FARP2: variants seen among roughly 807,000 people sequenced by gnomAD.
FARP2 encodes FERM, ARH/RhoGEF and pleckstrin domain protein 2, also known as FERM, ARHGEF and pleckstrin domain-containing protein 2.
A neutral mutation model predicts 130.5 loss-of-function variants in FARP2; 111 were observed. That is an observed-to-expected ratio of 0.85 (90% CI 0.73 to 1.00). FARP2 has a LOEUF of 1.00. Ranked by LOEUF, FARP2 falls within the 50% of genes least tolerant of loss-of-function variation. FARP2 has a pLI of 0.00. For missense variants in FARP2, 1,385 were observed against 1,346.3 expected (o/e 1.03, Z -0.45); for synonymous variants, 504 against 516.9 (o/e 0.98, Z 0.34).
intron 21 of FARP2, among the ~76,000 whole-genome samples, chr2:241,485,262 C>G (rs1470744911): frequency 2.0e-5 from 3 of 151,480 alleles, no homozygotes; most frequent in African/African-American, 7.3e-5. Context: ...TGGGATCCTC[C>G]TTTCCTAGGA....
At chr2:241,462,089 C>T (rs1004149847) in intron 14 of FARP2, among the ~76,000 whole-genome samples, 1 of 152,212 alleles carries the variant, frequency 6.6e-6, no homozygotes. Flanking sequence ...TCCACGTCTG[C>T]ATCAGGAAGT....
chr2:241,393,000 G>A (rs896779141), intron 2 of FARP2, among the ~76,000 whole-genome samples: 1 of 150,776 alleles, frequency 6.6e-6, no homozygotes, highest in Admixed American at 6.6e-5. Context: ...GAGATTTAAC[G>A]CTACTCCTGA....
chr2:241,369,047 G>A (rs928482094), intron 1 of FARP2, among the ~76,000 whole-genome samples: 4 of 152,064 alleles, frequency 2.6e-5, no homozygotes, highest in African/African-American at 9.7e-5. Context: ...AGGGTATCTT[G>A]TTGTGGCCCT....
rs2062581683 is a variant in FARP2, at chr2:241,413,488, A to C, written c.623+67A>C. 2.7e-6 allele frequency: 3 copies of C among 1,124,894 alleles called. No individual in the cohort carries two copies. In the Admixed American group the frequency reaches 5.9e-5, roughly 22 times the overall value. 69.7% of individuals were successfully genotyped at this position (1,124,894 alleles called of 1,614,324 possible). A position where few individuals can be genotyped will look rare whatever the true frequency, so the allele number is the denominator to read the frequency against. On this transcript the variant is annotated intron_variant, in intron 7 of 26. Transcript: ENST00000264042. ...TAATGACTAAAGAGTGTGTAACGAGAAAGGACTGTTGTCGTGACTTCTGCA... is the reference window on the plus strand; with the variant it reads ...TAATGACTAAAGAGTGTGTAACGAGCAAGGACTGTTGTCGTGACTTCTGCA...
At chr2:241,432,422 C>A (rs993555028) in intron 9 of FARP2, among the ~76,000 whole-genome samples, 10 of 152,158 alleles carry the variant, frequency 6.6e-5, no homozygotes, top group Admixed American at 6.5e-4. Context: ...TGCTAAGAAC[C>A]ATGGTTATTG....
At chr2:241,445,853 CAG>C (rs549243040) in intron 13 of FARP2, 3 of 152,424 alleles carry the variant, frequency 2.0e-5, no homozygotes, top group Admixed American at 6.5e-5. Context: ...CAGGGCGCAT[CAG>C]GGGCTGCACT....
Position 241,379,956 on chromosome 2 carries a change from T to C in FARP2, c.183+6666T>C, listed in dbSNP as rs1361887459. ...GTGCACAGCAGAGATGTGGACATTT[T>C]TATTCTTAGTTTTCCAGTGGTGATG... On this transcript the variant is annotated intron_variant, in intron 2 of 26. Coordinates refer to ENST00000264042, the MANE Select transcript of FARP2 (RefSeq NM_014808.4). Among the ~76,000 whole-genome samples, 12 of 152,328 alleles carry C rather than the reference T, an allele frequency of 7.9e-5. No homozygotes were observed. The South Asian group carries it at 2.5e-3, about 32-fold the overall frequency.
In FARP2 at chr2:241,489,943, C is replaced by T; in HGVS notation, c.2422-19C>T. On this transcript the variant is annotated intron_variant, in intron 21 of 26. Coordinates refer to ENST00000264042, the MANE Select transcript of FARP2 (RefSeq NM_014808.4). Reference sequence around the variant, plus strand: ...TTCCTTCTTGGCCACAAGACTTGGACCGTTTCTCCCACCCACAGGTGGAAG... The same window carrying T: ...TTCCTTCTTGGCCACAAGACTTGGATCGTTTCTCCCACCCACAGGTGGAAG... 1.3e-6 allele frequency: 2 copies of T among 1,569,326 alleles called. No individual in the cohort carries two copies. Among genetic ancestry groups the T allele is most frequent in the Non-Finnish European group, 8.8e-7 (1 of 1,139,354 alleles).
intron 2 of FARP2, among the ~76,000 whole-genome samples, chr2:241,375,184 C>T (rs953330837): frequency 6.6e-6 from 1 of 152,120 alleles, no homozygotes; most frequent in African/African-American, 2.4e-5. Context: ...ATCCCCTGAC[C>T]TCGTGATCCG....
In FARP2 at chr2:241,411,113, C is replaced by T. The variant is rs147959368; in HGVS notation, c.491C>T (p.Thr164Met). Reference protein sequence around the residue: ...TCADTTAALLTSHLLQSEIGD... With the variant: ...TCADTTAALLMSHLLQSEIGD... ...GCTGACACCACAGCGGCCCTTCTCA[C>T]GTCCCATCTCCTGCAGTGTGAGTAT... is the stretch of plus-strand genomic sequence containing the variant. Residue 164 changes from threonine to methionine, a missense_variant, in exon 6 of 27, where the codon ACG becomes ATG. Coordinates refer to ENST00000264042, the MANE Select transcript of FARP2 (RefSeq NM_014808.4). 14 of 1,610,292 alleles carry T rather than the reference C, an allele frequency of 8.7e-6. No homozygotes were observed. Among genetic ancestry groups the T allele is most frequent in the Admixed American group, 1.7e-5 (1 of 59,738 alleles).
intron 21 of FARP2, among the ~76,000 whole-genome samples, chr2:241,487,391 G>C (rs1440878436): frequency 6.6e-6 from 1 of 152,108 alleles, no homozygotes; most frequent in African/African-American, 2.4e-5. Flanking sequence ...CATTTAACAG[G>C]GCACGGTGGC....
intron 2 of FARP2, among the ~76,000 whole-genome samples, chr2:241,373,596 C>T (rs927791582): frequency 1.3e-5 from 2 of 152,212 alleles, no homozygotes; most frequent in Non-Finnish European, 2.9e-5. Context: ...CAGACCTTCC[C>T]AGCTTAAGCC....
chr2:241,485,726 C>T (rs2064736644), intron 21 of FARP2, among the ~76,000 whole-genome samples: 1 of 151,590 alleles, frequency 6.6e-6, no homozygotes, highest in Non-Finnish European at 1.5e-5. Context: ...AGGATCTTCC[C>T]TTCCTGGGGT....
At chr2:241,485,857 C>T (rs773831699) in intron 21 of FARP2, among the ~76,000 whole-genome samples, 14 of 151,854 alleles carry the variant, frequency 9.2e-5, no homozygotes, top group Non-Finnish European at 1.5e-4. Context: ...TGGGGTCCTC[C>T]CTCCCTGGAG....
At chr2:241,388,161 AC>A (rs2061832470) in intron 2 of FARP2, among the ~76,000 whole-genome samples, 1 of 152,254 alleles carries the variant, frequency 6.6e-6, no homozygotes, top group African/African-American at 2.4e-5. Context: ...GAGGACTCAC[AC>A]TTTTCCATAG....
chr2:241,397,991 G>A (rs544937096), intron 2 of FARP2, among the ~76,000 whole-genome samples: 116 of 151,482 alleles, frequency 7.7e-4, no homozygotes, highest in Middle Eastern at 3.4e-3. Context: ...CACCATGCCC[G>A]GCTAATTTTT....
intron 2 of FARP2, among the ~76,000 whole-genome samples, chr2:241,374,359 A>G (rs931715749): frequency 1.3e-5 from 2 of 152,180 alleles, no homozygotes; most frequent in Admixed American, 1.3e-4. Flanking sequence ...ACACAAATAC[A>G]TTCTCTTTTT....
intron 25 of FARP2, 111 bp downstream of exon 25, chr2:241,493,147 A>G: frequency 8.6e-7 from 1 of 1,166,462 alleles, no homozygotes; most frequent in Non-Finnish European, 1.3e-6. Flanking sequence ...TGCTTTGCCC[A>G]CACACCCTGT....
At chr2:241,449,259 G>A (rs1018400794) in intron 13 of FARP2, among the ~76,000 whole-genome samples, 6 of 151,166 alleles carry the variant, frequency 4.0e-5, no homozygotes, top group East Asian at 2.0e-4. Context: ...CCAGGACTTC[G>A]AGACCTGCCT....
Sources: gnomAD v4.1 joint callset for allele counts (sites outside exome capture counted in the v4.1 genomes callset) on GRCh38, gnomAD v4.1.1 for gene constraint, MANE v1.5 for transcripts, NCBI Gene and HGNC (gene_info 2026-07-23, HGNC 2026-07-21) for gene names.